The following TENM4 variants were observed in gnomAD, a reference collection of about 807,000 sequenced individuals.
TENM4 encodes the protein teneurin transmembrane protein 4, also known as teneurin-4.
In TENM4, 82 loss-of-function variants were observed where a neutral mutation model predicts 243.3. That is an observed-to-expected ratio of 0.34 (90% CI 0.28 to 0.40). TENM4 has a LOEUF of 0.40. Among genes scored for constraint, TENM4 ranks in the 10% least tolerant of loss-of-function variants. TENM4 has a pLI of 1.00. For synonymous variants in TENM4, 1,412 were observed against 1,456.3 expected (o/e 0.97, Z 0.69); for missense variants, 3,138 against 3,673.3 (o/e 0.85, Z 3.77).
chr11:79,152,541 A>G (rs1329768187), intron 3 of TENM4, among the ~76,000 whole-genome samples: 1 of 152,246 alleles, frequency 6.6e-6, no homozygotes, highest in African/African-American at 2.4e-5. Context: ...CAGCGTCTAG[A>G]ACTTTAGCAT....
chr11:78,781,018 A>T (rs958666550), intron 16 of TENM4, among the ~76,000 whole-genome samples: 2 of 152,222 alleles, frequency 1.3e-5, no homozygotes, highest in African/African-American at 4.8e-5. Context: ...TACCAAGTCC[A>T]TGAGTTTTCC....
Position 79,159,739 on chromosome 11 carries a change from C to G in TENM4, c.-162-10933G>C, listed in dbSNP as rs796957742. The stretch of plus-strand genomic sequence containing the variant: ...TGTCCAGAAAAGAAGAGTGATTTGA[C>G]TACTGGTTCACTCACTCGTTCACTC... On this transcript the variant is annotated intron_variant, in intron 3 of 33. Coordinates refer to ENST00000278550, the MANE Select transcript of TENM4 (RefSeq NM_001098816.3). Among the ~76,000 whole-genome samples, 124 of 152,308 alleles carry G rather than the reference C, an allele frequency of 8.1e-4. 1 individual carries two copies. The highest frequency in any genetic ancestry group is 2.8e-3 in the African/African-American group (115 of 41,568).
At chr11:79,371,880 C>A (rs1481094138) in intron 1 of TENM4, among the ~76,000 whole-genome samples, 1 of 152,156 alleles carries the variant, frequency 6.6e-6, no homozygotes, top group African/African-American at 2.4e-5. Context: ...TACCTTTTAT[C>A]CTGATGATTG....
rs115994653 is a variant in TENM4 at position 79,233,985 on chromosome 11, C to T, written c.-264-18076G>A. ...ACCTCTGCAGTGTGATGGATCCCAA[C>T]GGAGGTTGTTCAATGTAGTGCAAAG... On this transcript the variant is annotated intron_variant, in intron 2 of 33. Transcript: ENST00000278550. Among the ~76,000 whole-genome samples the T allele has an allele frequency of 4.1e-3, 628 of 152,224 alleles. 8 individuals are homozygous for T. Among genetic ancestry groups the T allele is most frequent in the South Asian group, 0.023 (111 of 4,820 alleles).
chr11:78,729,325 G>T, intron 22 of TENM4, 51 bp downstream of exon 22: 1 of 1,513,198 alleles, frequency 6.6e-7, no homozygotes, highest in South Asian at 1.3e-5. Flanking sequence ...GAGGTAGAAA[G>T]AGTCCTCCCT....
At chr11:79,078,924 A>C (rs1377488615) in intron 4 of TENM4, among the ~76,000 whole-genome samples, 22 of 152,200 alleles carry the variant, frequency 1.4e-4, no homozygotes, top group Non-Finnish European at 2.9e-5. Context: ...TTTAATCATA[A>C]CCTACACTGC....
chr11:78,752,188 C>G (rs1856204370), intron 19 of TENM4, among the ~76,000 whole-genome samples: 1 of 152,206 alleles, frequency 6.6e-6, no homozygotes, highest in Non-Finnish European at 1.5e-5. Context: ...GCTCTGGACC[C>G]AGCACTGTGC....
intron 3 of TENM4, among the ~76,000 whole-genome samples, chr11:79,212,777 T>A (rs1863977276): frequency 6.6e-6 from 1 of 152,140 alleles, no homozygotes; most frequent in Admixed American, 6.6e-5. Flanking sequence ...CCTCCCGATT[T>A]AGTTTTCTCT....
chr11:79,018,183 G>C (rs1172309709), intron 6 of TENM4, among the ~76,000 whole-genome samples: 1 of 152,156 alleles, frequency 6.6e-6, no homozygotes, highest in East Asian at 1.9e-4. Context: ...CTGAGGCTGG[G>C]ATGACCACAT....
chr11:78,807,495 A>G (rs1265802037), intron 14 of TENM4, among the ~76,000 whole-genome samples: 1 of 152,226 alleles, frequency 6.6e-6, no homozygotes, highest in Non-Finnish European at 1.5e-5. Context: ...AAAGGAGAAG[A>G]GTACTGAGAA....
intron 1 of TENM4, among the ~76,000 whole-genome samples, chr11:79,366,591 T>A (rs1857681838): frequency 6.6e-6 from 1 of 152,184 alleles, no homozygotes; most frequent in South Asian, 2.1e-4. Context: ...GTTCCAAAGG[T>A]AATGTAACCA....
chr11:78,967,250 C>T (rs1242117795), intron 6 of TENM4, among the ~76,000 whole-genome samples: 2 of 152,204 alleles, frequency 1.3e-5, no homozygotes, highest in Admixed American at 6.5e-5. Context: ...CTTGCCTTGC[C>T]ATTACCATAT....
At chr11:79,395,667 C>T (rs564257) in intron 1 of TENM4, among the ~76,000 whole-genome samples, 49,373 of 152,034 alleles carry the variant, frequency 0.32, 7,970 homozygotes, top group East Asian at 0.37. Context: ...TTGGATTTTA[C>T]TCAGAATTCC....
intron 6 of TENM4, among the ~76,000 whole-genome samples, chr11:78,989,707 T>C (rs960057899): frequency 3.3e-5 from 5 of 152,164 alleles, no homozygotes; most frequent in East Asian, 1.9e-4. Context: ...GCTCCCTCTC[T>C]TCGGAGCAGC....
intron 1 of TENM4, among the ~76,000 whole-genome samples, chr11:79,373,417 A>T (rs1297394608): frequency 6.9e-6 from 1 of 145,186 alleles, no homozygotes; most frequent in East Asian, 2.1e-4. Context: ...TGGCTGGGTG[A>T]CTGGCTGGCT....
intron 12 of TENM4, among the ~76,000 whole-genome samples, chr11:78,819,613 G>A (rs1013251457): frequency 2.6e-5 from 4 of 152,064 alleles, no homozygotes; most frequent in Non-Finnish European, 5.9e-5. Context: ...GCTTGATGCC[G>A]GACTCCAGCA....
At chr11:79,143,241 G>A (rs951904810) in intron 4 of TENM4, among the ~76,000 whole-genome samples, 1 of 152,052 alleles carries the variant, frequency 6.6e-6, no homozygotes, top group Non-Finnish European at 1.5e-5. Flanking sequence ...GTTTATTGTG[G>A]CACTATTCAC....
At chr11:79,137,751 G>A (rs1862139124) in intron 4 of TENM4, among the ~76,000 whole-genome samples, 1 of 152,068 alleles carries the variant, frequency 6.6e-6, no homozygotes, top group South Asian at 2.1e-4. Context: ...CAACATTTAA[G>A]TGTTGTTAAC....
intron 4 of TENM4, among the ~76,000 whole-genome samples, chr11:79,108,818 A>C (rs1467178145): frequency 3.9e-5 from 6 of 152,172 alleles, no homozygotes; most frequent in Non-Finnish European, 1.5e-5. Flanking sequence ...CTGACCTGGA[A>C]ACGGTGGAAA....
Sources: allele counts gnomAD v4.1 joint callset (sites outside exome capture counted in the v4.1 genomes callset), GRCh38; gene constraint gnomAD v4.1.1; transcripts MANE v1.5; gene names NCBI Gene and HGNC (gene_info 2026-07-23, HGNC 2026-07-21).